Variants in CDON observed in about 807,000 individuals in gnomAD.
CDON encodes cell adhesion associated, oncogene regulated.
In CDON, 73 loss-of-function variants were observed where a neutral mutation model predicts 120.9. The observed-to-expected ratio is 0.60, with a 90% CI of 0.50 to 0.73. The LOEUF (loss-of-function observed/expected upper bound fraction) is 0.73, where lower values mean the gene tolerates loss of function less well. Ranked by LOEUF, CDON falls within the 30% of genes least tolerant of loss-of-function variation. CDON has a pLI of 0.00. For synonymous variants in CDON, 566 were observed against 573.5 expected (o/e 0.99, Z 0.19); for missense variants, 1,470 against 1,587.3 (o/e 0.93, Z 1.26).
intron 17 of CDON, among the ~76,000 whole-genome samples, chr11:125,980,611 C>G (rs1435403341): frequency 6.6e-6 from 1 of 152,226 alleles, no homozygotes. Flanking sequence ...GCGGCTGCTT[C>G]CTGAAGACAC....
intron 8 of CDON, among the ~76,000 whole-genome samples, chr11:126,009,028 G>A (rs563616419): frequency 2.0e-5 from 3 of 152,182 alleles, no homozygotes; most frequent in South Asian, 4.2e-4. Flanking sequence ...CCTATGAGTG[G>A]GGCACCTTCA....
At position 126,052,427 on chromosome 11, in the gene CDON, A is replaced by G. The variant is rs564358663; in HGVS notation, c.-62+10152T>C. Among the ~76,000 whole-genome samples, 13 of 152,364 alleles carry G rather than the reference A, an allele frequency of 8.5e-5. No homozygotes were observed. In the South Asian group the frequency reaches 1.0e-3, roughly 12 times the overall value. On this transcript the variant is annotated intron_variant, in intron 1 of 19. Coordinates refer to ENST00000531738, the MANE Select transcript of CDON (RefSeq NM_001378964.1). ...AATCAAATTATAATATGACTTGAAA[A>G]TATGTTAAGTAGAGGTATACACACT...
In CDON at chr11:125,959,927, T is replaced by G. The variant is rs577573186; in HGVS notation, c.*1015A>C. The G allele has an allele frequency of 8.5e-5, 13 of 152,350 alleles. No individual in the cohort carries two copies. Among genetic ancestry groups the G allele is most frequent in the African/African-American group, 3.1e-4 (13 of 41,578 alleles). 9.4% of individuals were successfully genotyped at this position (152,350 alleles called of 1,614,324 possible). A position where few individuals can be genotyped will look rare whatever the true frequency, so the allele number is the denominator to read the frequency against. The stretch of plus-strand genomic sequence containing the variant: ...ATAGTGGCCATTTTATAAATTAATG[T>G]AATTTTAAAGCAGTGGGACATGAGG... On this transcript the variant is annotated 3_prime_UTR_variant, in exon 20 of 20. Coordinates refer to ENST00000531738, the MANE Select transcript of CDON (RefSeq NM_001378964.1).
At chr11:126,031,196 C>G (rs765721126) in intron 1 of CDON, among the ~76,000 whole-genome samples, 49 of 152,164 alleles carry the variant, frequency 3.2e-4, no homozygotes, top group Non-Finnish European at 6.5e-4. Flanking sequence ...CCTGGAAACT[C>G]AACCATGAAT....
chr11:125,978,455 A>G (rs1946205002), intron 17 of CDON, 72 bp from the exon 18 acceptor site: 2 of 879,976 alleles, frequency 2.3e-6, no homozygotes, highest in Non-Finnish European at 3.7e-6. Context: ...ACCAGTAGCC[A>G]AATAATCACA....
At chr11:126,015,799 T>C (rs1947450022) in intron 6 of CDON, among the ~76,000 whole-genome samples, 1 of 152,236 alleles carries the variant, frequency 6.6e-6, no homozygotes. Flanking sequence ...TAGTTTCTAA[T>C]CCTGGGCTTC....
intron 9 of CDON, chr11:126,004,354 TC>T: frequency 2.2e-6 from 1 of 454,134 alleles, no homozygotes; most frequent in Non-Finnish European, 4.0e-6. Context: ...AGACTCTGTT[TC>T]CTTTACTTGT....
intron 16 of CDON, among the ~76,000 whole-genome samples, chr11:125,981,963 C>CTT (rs1565501813): frequency 1.1e-3 from 36 of 34,144 alleles, no homozygotes; most frequent in East Asian, 0.01. Flanking sequence ...AAAAGTGATT[C>CTT]TATTTTCTTT....
At chr11:126,006,141 C>A in intron 8 of CDON, 84 bp from the exon 9 acceptor site, 1 of 1,253,596 alleles carries the variant, frequency 8.0e-7, no homozygotes. Context: ...ACTGCCCTCA[C>A]TTGTATTGTT....
intron 18 of CDON, among the ~76,000 whole-genome samples, chr11:125,966,827 AG>A (rs1488750813): frequency 6.6e-6 from 1 of 152,188 alleles, no homozygotes; most frequent in African/African-American, 2.4e-5. Flanking sequence ...ATGTCTTTAA[AG>A]TACAGAAAGA....
chr11:126,023,520 A>G lies in CDON; in HGVS notation c.-44T>C, dbSNP rs1947698039. On this transcript the variant is annotated 5_prime_UTR_variant, in exon 2 of 20. Coordinates refer to ENST00000531738, the MANE Select transcript of CDON (RefSeq NM_001378964.1). ...CAATCAGGACAGGCTTCCAGAGCAA[A>G]ACCCAGTCCTTGGTTCACTAAAAAA... is the stretch of plus-strand genomic sequence containing the variant. 7.4e-7 allele frequency: 1 copy of G among 1,349,644 alleles called. No homozygotes were observed. The highest frequency in any genetic ancestry group is 1.4e-5 in the African/African-American group (1 of 69,890). The allele number at this position is 1,349,644 out of a possible 1,614,324, so 83.6% of individuals were successfully genotyped here. A position where few individuals can be genotyped will look rare whatever the true frequency, so the allele number is the denominator to read the frequency against.
intron 11 of CDON, among the ~76,000 whole-genome samples, chr11:126,000,036 C>G (rs1401257672): frequency 6.6e-6 from 1 of 152,112 alleles, no homozygotes; most frequent in African/African-American, 2.4e-5. Flanking sequence ...AGAGAAGCCT[C>G]TCTTATCTAC....
At chr11:126,027,934 CAGAT>C (rs1369349686) in intron 1 of CDON, among the ~76,000 whole-genome samples, 2 of 148,456 alleles carry the variant, frequency 1.3e-5, no homozygotes, top group Non-Finnish European at 3.0e-5. Context: ...TAAATCATGT[CAGAT>C]AGAATAGAAT....
At chr11:125,994,736 A>C (rs1946729260) in intron 13 of CDON, 135 bp downstream of exon 13, 2 of 775,530 alleles carry the variant, frequency 2.6e-6, no homozygotes, top group Admixed American at 2.0e-5. Flanking sequence ...TATTTAGACA[A>C]ATATTGGTGC....
rs1415873119 is a variant in CDON, at chr11:126,021,229, G to A, written c.349+19C>T. 6.2e-7 allele frequency: 1 copy of A among 1,612,704 alleles called. No homozygotes were observed. Among genetic ancestry groups the A allele is most frequent in the African/African-American group, 1.3e-5 (1 of 74,830 alleles). On this transcript the variant is annotated intron_variant, in intron 3 of 19. Transcript: ENST00000531738. ...ATTTCAAGAAAACCCATACCTAACA[G>A]GGACAAAATTAAACTCACCTGCCAC...
chr11:126,048,973 G>C (rs1253658640), intron 1 of CDON, among the ~76,000 whole-genome samples: 2 of 152,142 alleles, frequency 1.3e-5, no homozygotes, highest in African/African-American at 4.8e-5. Context: ...AAAATGCTGG[G>C]ATTACAGGCG....
chr11:126,010,467 C>T lies in CDON; in HGVS notation c.1426G>A (p.Val476Ile), dbSNP rs142603462. 95 of 1,613,938 alleles carry T rather than the reference C, an allele frequency of 5.9e-5. No individual in the cohort carries two copies. In the African/African-American group the frequency reaches 8.7e-4, roughly 15 times the overall value. ...EGLNLEPVYF[V>I]LSQAGASSLH... ...GAGCTTGCACCAGCTTGGGACAGGA[C>T]GAAGTACACAGGCTCCAGGTTCAAG... Residue 476 changes from valine (V) to isoleucine (I), a missense_variant, in exon 8 of 20, where the codon GTC (valine) becomes ATC (isoleucine). Physicochemically the swap from Val to Ile is conservative, Grantham distance 29. Coordinates refer to ENST00000531738, the MANE Select transcript of CDON (RefSeq NM_001378964.1).
intron 16 of CDON, among the ~76,000 whole-genome samples, chr11:125,983,342 T>C (rs747634969): frequency 8.5e-5 from 13 of 152,198 alleles, no homozygotes; most frequent in Admixed American, 6.5e-4. Flanking sequence ...AGCACACGTA[T>C]TCCTAGACAC....
intron 1 of CDON, among the ~76,000 whole-genome samples, chr11:126,035,156 A>G (rs1948060830): frequency 6.6e-6 from 1 of 152,212 alleles, no homozygotes; most frequent in Non-Finnish European, 1.5e-5. Flanking sequence ...CTTAGATTCC[A>G]TTTTAATAAC....
Sources: allele counts gnomAD v4.1 joint callset (sites outside exome capture counted in the v4.1 genomes callset), GRCh38; gene constraint gnomAD v4.1.1; transcripts MANE v1.5; gene names NCBI Gene and HGNC (gene_info 2026-07-23, HGNC 2026-07-21).